Variants in PDGFD observed in about 807,000 individuals in gnomAD.
PDGFD encodes platelet derived growth factor D, also known as platelet-derived growth factor D.
In PDGFD, 30 loss-of-function variants were observed where a neutral mutation model predicts 44.7. The observed-to-expected ratio is 0.67, with a 90% CI of 0.50 to 0.91. The LOEUF is 0.91. Among genes scored for constraint, PDGFD ranks in the 40% least tolerant of loss-of-function variants. PDGFD has a pLI of 0.00. For missense variants in PDGFD, 445 were observed against 457.8 expected, an observed-to-expected ratio of 0.97 and a Z score of 0.25; for synonymous variants, 173 against 168.4, an observed-to-expected ratio of 1.03 and a Z score of -0.21.
chr11:104,014,322 C>A (rs1222178230), intron 1 of PDGFD, among the ~76,000 whole-genome samples: 1 of 152,044 alleles, frequency 6.6e-6, no homozygotes, highest in East Asian at 1.9e-4. Context: ...ACAGAGAGAC[C>A]CCATGTCTAC....
intron 1 of PDGFD, among the ~76,000 whole-genome samples, chr11:104,062,531 T>A (rs1459630779): frequency 6.6e-6 from 1 of 152,210 alleles, no homozygotes; most frequent in African/African-American, 2.4e-5. Context: ...AATATCCAAA[T>A]GGCAGCTCAA....
At chr11:104,124,499 A>G (rs1239203899) in intron 1 of PDGFD, among the ~76,000 whole-genome samples, 3 of 152,074 alleles carry the variant, frequency 2.0e-5, no homozygotes, top group Non-Finnish European at 4.4e-5. Context: ...ACCACGTGTA[A>G]ATATTATAAA....
intron 6 of PDGFD, among the ~76,000 whole-genome samples, chr11:103,919,603 G>T (rs1858179870): frequency 7.0e-6 from 1 of 143,490 alleles, no homozygotes; most frequent in East Asian, 2.2e-4. Context: ...CCACCTCCCG[G>T]GTTCAAGTGA....
At chr11:104,047,043 A>G (rs1255663990) in intron 1 of PDGFD, among the ~76,000 whole-genome samples, 2 of 146,874 alleles carry the variant, frequency 1.4e-5, no homozygotes, top group African/African-American at 5.0e-5. Flanking sequence ...TTCCAGCTTC[A>G]TCCATGTCCC....
intron 1 of PDGFD, among the ~76,000 whole-genome samples, chr11:104,090,290 T>C (rs1861193228): frequency 6.7e-6 from 1 of 148,398 alleles, no homozygotes; most frequent in African/African-American, 2.5e-5. Context: ...AAATTCAGCA[T>C]ATATAAGATC....
intron 1 of PDGFD, among the ~76,000 whole-genome samples, chr11:104,118,747 T>TATATATTATAAATATTAATATATA (rs1565340057): frequency 3.7e-5 from 3 of 80,056 alleles, no homozygotes; most frequent in Non-Finnish European, 7.5e-5. Context: ...TATATATTAT[T>TATATATTATAAATATTAATATATA]ATATAGTATA....
At chr11:103,953,212 A>C in intron 3 of PDGFD, among the ~76,000 whole-genome samples, 1 of 152,170 alleles carries the variant, frequency 6.6e-6, no homozygotes, top group East Asian at 1.9e-4. Flanking sequence ...GTATATATAC[A>C]AAATGTTATA....
intron 1 of PDGFD, among the ~76,000 whole-genome samples, chr11:104,161,208 G>A (rs1390158045): frequency 1.3e-5 from 2 of 152,038 alleles, no homozygotes; most frequent in Non-Finnish European, 1.5e-5. Context: ...TGAGAGCCAG[G>A]TCTTCTAAAG....
At chr11:104,110,966 T>A (rs1861546251) in intron 1 of PDGFD, among the ~76,000 whole-genome samples, 1 of 152,180 alleles carries the variant, frequency 6.6e-6, no homozygotes, top group Non-Finnish European at 1.5e-5. Flanking sequence ...TTTGTCCTAG[T>A]GCAAACAGTT....
intron 6 of PDGFD, among the ~76,000 whole-genome samples, chr11:103,911,188 C>T (rs1306711287): frequency 6.6e-6 from 1 of 152,216 alleles, no homozygotes; most frequent in Non-Finnish European, 1.5e-5. Flanking sequence ...TGCCTGGAGG[C>T]TCTGAAGAGA....
intron 1 of PDGFD, among the ~76,000 whole-genome samples, chr11:104,058,297 G>A (rs7939106): frequency 3.5e-4 from 54 of 152,232 alleles, no homozygotes; most frequent in African/African-American, 1.2e-3. Flanking sequence ...TACATTCACC[G>A]ATAAGAAGAA....
At chr11:104,150,582 A>G (rs1387358645) in intron 1 of PDGFD, among the ~76,000 whole-genome samples, 1 of 152,190 alleles carries the variant, frequency 6.6e-6, no homozygotes, top group Non-Finnish European at 1.5e-5. Flanking sequence ...GTCTGAACTC[A>G]ATTTCAATGG....
chr11:104,085,402 T>C (rs1861116035), intron 1 of PDGFD, among the ~76,000 whole-genome samples: 1 of 152,194 alleles, frequency 6.6e-6, no homozygotes, highest in African/African-American at 2.4e-5. Context: ...GTTATTCCTC[T>C]TGAATTGCTG....
chr11:103,970,291 A>G (rs1245579341), intron 3 of PDGFD, among the ~76,000 whole-genome samples: 2 of 152,140 alleles, frequency 1.3e-5, no homozygotes, highest in Admixed American at 1.3e-4. Context: ...GGGAGTAAAT[A>G]AGTTTTAATA....
At chr11:103,955,181 A>C (rs1447020356) in intron 3 of PDGFD, among the ~76,000 whole-genome samples, 3 of 46,068 alleles carry the variant, frequency 6.5e-5, no homozygotes, top group South Asian at 8.5e-4. Context: ...AAAAAAAAAA[A>C]AAAAAAAAAA....
chr11:104,054,584 T>C (rs1370063722), intron 1 of PDGFD, among the ~76,000 whole-genome samples: 3 of 152,172 alleles, frequency 2.0e-5, no homozygotes, highest in East Asian at 1.9e-4. Context: ...GGCAAAGCCT[T>C]TGGAAAGTGC....
At chr11:104,119,741 ATATAT>A (rs1401336205) in intron 1 of PDGFD, among the ~76,000 whole-genome samples, 4 of 108,008 alleles carry the variant, frequency 3.7e-5, no homozygotes, top group Non-Finnish European at 6.7e-5. Context: ...TAATAGAAAT[ATATAT>A]TATATATTTA....
chr11:104,160,339 T>G (rs1862371213), intron 1 of PDGFD, among the ~76,000 whole-genome samples: 1 of 152,188 alleles, frequency 6.6e-6, no homozygotes, highest in Non-Finnish European at 1.5e-5. Context: ...GAAAATGAAA[T>G]GAAGAATGCA....
intron 1 of PDGFD, among the ~76,000 whole-genome samples, 184 bp from the exon 2 acceptor site, chr11:104,000,439 A>G (rs924734760): frequency 8.5e-5 from 13 of 152,232 alleles, no homozygotes; most frequent in Non-Finnish European, 1.5e-4. Flanking sequence ...ATCTATGTCC[A>G]GTGACTAGCA....
Sources: allele counts gnomAD v4.1 joint callset (sites outside exome capture counted in the v4.1 genomes callset), GRCh38; gene constraint gnomAD v4.1.1; transcripts MANE v1.5; gene names NCBI Gene and HGNC (gene_info 2026-07-23, HGNC 2026-07-21).